The following PRTG variants were observed in gnomAD, a reference collection of about 807,000 sequenced individuals.
The protein encoded by PRTG is immunoglobulin superfamily, DCC subclass, member 5.
Under a neutral mutation model 122.5 loss-of-function variants are expected in PRTG, and 67 were observed. That is an observed-to-expected ratio of 0.55 (90% CI 0.45 to 0.67). The LOEUF (loss-of-function observed/expected upper bound fraction) is 0.67. PRTG is among the 30% of genes least tolerant of loss of function. The pLI, the probability that PRTG is intolerant of heterozygous loss-of-function variation, is 0.00. For synonymous variants in PRTG, 554 were observed against 501.1 expected (o/e 1.11, Z -1.41); for missense variants, 1,435 against 1,415.4 (o/e 1.01, Z -0.22).
chr15:55,618,816 C>A lies in PRTG; in HGVS notation c.*1196G>T, dbSNP rs2059151734. The A allele has an allele frequency of 6.6e-6, 1 of 152,042 alleles. No individual in the cohort carries two copies. The highest frequency in any genetic ancestry group is 1.5e-5 in the Non-Finnish European group (1 of 68,018). The allele number at this position is 152,042 out of a possible 1,614,324, so 9.4% of individuals were successfully genotyped here. On this transcript the variant is annotated 3_prime_UTR_variant, in exon 20 of 20. Transcript: ENST00000389286. Reference sequence around the variant, plus strand: ...AACTCTTAAGGCAACTTTTTGTACTCCTGTTCCTAAACAATTTCATGAATA... The same window carrying A: ...AACTCTTAAGGCAACTTTTTGTACTACTGTTCCTAAACAATTTCATGAATA...
chr15:55,689,635 A>AG (rs1198188394), intron 2 of PRTG, among the ~76,000 whole-genome samples: 1 of 151,238 alleles, frequency 6.6e-6, no homozygotes, highest in Non-Finnish European at 1.5e-5. Context: ...CTTAAATTAA[A>AG]AAAAAAAAAA....
chr15:55,742,926 C>G lies in PRTG; in HGVS notation c.6G>C (p.Ala2=). 1 of 1,522,648 alleles carries G rather than the reference C, an allele frequency of 6.6e-7. No individual in the cohort carries two copies. Among genetic ancestry groups the G allele is most frequent in the Non-Finnish European group, 8.8e-7 (1 of 1,134,618 alleles). The allele number at this position is 1,522,648 out of a possible 1,614,324, so 94.3% of individuals were successfully genotyped here. A position where few individuals can be genotyped will look rare whatever the true frequency, so the allele number is the denominator to read the frequency against. The change falls in exon 1 of 20, where the codon GCG becomes GCC. Residue 2 remains alanine (A), a synonymous_variant. Coordinates refer to ENST00000389286, the MANE Select transcript of PRTG (RefSeq NM_173814.6). ...GCCGGGCGAGGGGTCGCAGAGGAGG[C>G]GCCATTCAGCGTAGCCGCGCGGGCA... M[A]PPLRPLARLR...
In PRTG at chr15:55,616,391, C is replaced by G. The variant is rs1199695641; in HGVS notation, c.*3621G>C. The G allele has an allele frequency of 6.6e-6, 1 of 152,124 alleles. No individual in the cohort carries two copies. Among genetic ancestry groups the G allele is most frequent in the South Asian group, 2.1e-4 (1 of 4,822 alleles). The allele number at this position is 152,124 out of a possible 1,614,324, so 9.4% of individuals were successfully genotyped here. A position where few individuals can be genotyped will look rare whatever the true frequency, so the allele number is the denominator to read the frequency against. ...CCTATTATTAAGGGACTGCCTCAAG[C>G]CGTCTGAGCTAACCAGGTAATGCTT... On this transcript the variant is annotated 3_prime_UTR_variant, in exon 20 of 20. Coordinates refer to ENST00000389286, the MANE Select transcript of PRTG (RefSeq NM_173814.6).
chr15:55,700,153 T>C (rs1197261122), intron 2 of PRTG, among the ~76,000 whole-genome samples: 4 of 152,194 alleles, frequency 2.6e-5, no homozygotes, highest in African/African-American at 9.6e-5. Context: ...AATTAACCAA[T>C]ACAACTATGT....
intron 2 of PRTG, among the ~76,000 whole-genome samples, chr15:55,734,419 G>A (rs904771887): frequency 6.6e-6 from 1 of 151,988 alleles, no homozygotes; most frequent in Non-Finnish European, 1.5e-5. Context: ...TAAACTCCTA[G>A]GGATTTAATA....
chr15:55,643,932 T>C (rs2059306534), intron 11 of PRTG, among the ~76,000 whole-genome samples: 1 of 152,004 alleles, frequency 6.6e-6, no homozygotes, highest in African/African-American at 2.4e-5. Context: ...GGTGCAATCA[T>C]GGCTCATTGC....
At chr15:55,624,029 C>A (rs1218620387) in intron 18 of PRTG, among the ~76,000 whole-genome samples, 1 of 152,048 alleles carries the variant, frequency 6.6e-6, no homozygotes, top group Non-Finnish European at 1.5e-5. Flanking sequence ...AGACTAATGA[C>A]CATGGTGTCC....
chr15:55,624,548 GA>G (rs2059184648), intron 17 of PRTG, 41 bp from the exon 18 acceptor site: 2 of 1,568,260 alleles, frequency 1.3e-6, no homozygotes, highest in Non-Finnish European at 1.7e-6. Flanking sequence ...TAATTTCATA[GA>G]AGATGCAGGC....
intron 18 of PRTG, among the ~76,000 whole-genome samples, chr15:55,623,586 G>A (rs745896446): frequency 6.6e-6 from 1 of 152,014 alleles, no homozygotes; most frequent in Non-Finnish European, 1.5e-5. Flanking sequence ...GTAAAAAACA[G>A]TCTTAGCTCA....
At chr15:55,701,529 A>G (rs1384743326) in intron 2 of PRTG, among the ~76,000 whole-genome samples, 1 of 152,090 alleles carries the variant, frequency 6.6e-6, no homozygotes, top group Non-Finnish European at 1.5e-5. Context: ...GTGAGACTCC[A>G]TCTCAAAAAC....
chr15:55,740,777 G>A (rs7182733), intron 1 of PRTG, 93 bp from the exon 2 acceptor site: 607,619 of 1,084,414 alleles, frequency 0.56, 176,355 homozygotes, highest in Non-Finnish European at 0.61. Flanking sequence ...TTCAGGGTAT[G>A]AGATGACGAA....
In PRTG at chr15:55,619,751, A is replaced by T. The variant is rs1595596838; in HGVS notation, c.*261T>A. 1 of 450,152 alleles carries T rather than the reference A, an allele frequency of 2.2e-6. No individual in the cohort carries two copies. The highest frequency in any genetic ancestry group is 2.0e-5 in the African/African-American group (1 of 50,516). 27.9% of individuals were successfully genotyped at this position (450,152 alleles called of 1,614,324 possible). A position where few individuals can be genotyped will look rare whatever the true frequency, so the allele number is the denominator to read the frequency against. ...AAAATAAAAAACAAAACACATTCAA[A>T]AAAAGCTAAAATACCCCATAAAGAT... is the stretch of plus-strand genomic sequence containing the variant. On this transcript the variant is annotated 3_prime_UTR_variant, in exon 20 of 20. Coordinates refer to ENST00000389286, the MANE Select transcript of PRTG (RefSeq NM_173814.6).
At chr15:55,702,941 T>C in intron 2 of PRTG, 1 of 985,126 alleles carries the variant, frequency 1.0e-6, no homozygotes, top group Non-Finnish European at 1.2e-6. Flanking sequence ...ACATGTCAGT[T>C]CCGGGGTCCC....
chr15:55,637,944 A>T (rs2059266996), intron 14 of PRTG, among the ~76,000 whole-genome samples: 8 of 152,242 alleles, frequency 5.3e-5, no homozygotes, highest in Admixed American at 5.2e-4. Context: ...TGCCAAAACC[A>T]TAGCAACAAA....
chr15:55,641,272 T>G, intron 11 of PRTG, 64 bp from the exon 12 acceptor site: 1 of 1,212,870 alleles, frequency 8.2e-7, no homozygotes, highest in Non-Finnish European at 1.2e-6. Context: ...AGGTTCTGAA[T>G]GAAGCCTTTA....
At chr15:55,626,594 C>T (rs75453992) in intron 17 of PRTG, among the ~76,000 whole-genome samples, 2 of 134,648 alleles carry the variant, frequency 1.5e-5, no homozygotes, top group African/African-American at 2.7e-5. Flanking sequence ...ACTAAAAATA[C>T]AAAAAAAAAA....
At chr15:55,626,739 C>A (rs2059197161) in intron 17 of PRTG, among the ~76,000 whole-genome samples, 1 of 151,828 alleles carries the variant, frequency 6.6e-6, no homozygotes, top group Admixed American at 6.6e-5. Flanking sequence ...GCCTGGGCGA[C>A]AGTGTGAGAC....
chr15:55,741,579 ATTTAGT>A (rs2031610343), intron 1 of PRTG, among the ~76,000 whole-genome samples: 1 of 152,164 alleles, frequency 6.6e-6, no homozygotes, highest in Non-Finnish European at 1.5e-5. Flanking sequence ...CACCTCCTGC[ATTTAGT>A]GCACAGGCCG....
intron 2 of PRTG, chr15:55,702,933 A>C: frequency 1.0e-6 from 1 of 985,322 alleles, no homozygotes; most frequent in Non-Finnish European, 1.2e-6. Context: ...CTGCAGACAC[A>C]TGTCAGTTCC....
Sources: allele counts gnomAD v4.1 joint callset (sites outside exome capture counted in the v4.1 genomes callset), GRCh38; gene constraint gnomAD v4.1.1; transcripts MANE v1.5; gene names NCBI Gene and HGNC (gene_info 2026-07-23, HGNC 2026-07-21).